Variants in SUV39H2 observed in about 807,000 individuals in gnomAD.
SUV39H2 encodes the protein SUV39H2 histone lysine methyltransferase.
In SUV39H2, 10 loss-of-function variants were observed where a neutral mutation model predicts 47.5. The observed-to-expected ratio is 0.21, with a 90% confidence interval of 0.13 to 0.36. The LOEUF (loss-of-function observed/expected upper bound fraction) is 0.36, where lower values mean the gene tolerates loss of function less well. Ranked by LOEUF, SUV39H2 falls within the 10% of genes least tolerant of loss-of-function variation. The probability of loss-of-function intolerance (pLI) is 1.00; values close to 1 mark genes in which losing one functional copy is unlikely to be tolerated. For missense variants in SUV39H2, 266 were observed against 487.4 expected (o/e 0.55, Z 4.28); for synonymous variants, 159 against 166.8 (o/e 0.95, Z 0.36).
Position 14,903,970 on chromosome 10 carries a change from T to TG in SUV39H2, c.*1458_*1459insG. ...TTTCATAATATATAGGATAAATTGTTTACATGATTGGACCCTCAGATTCTG... is the reference window on the plus strand; with the variant it reads ...TTTCATAATATATAGGATAAATTGTTGTACATGATTGGACCCTCAGATTCTG... On this transcript the variant is annotated 3_prime_UTR_variant, in exon 6 of 6. Transcript: ENST00000354919. 1 of 152,198 alleles carries TG rather than the reference T, an allele frequency of 6.6e-6. No individual in the cohort carries two copies. Among genetic ancestry groups the TG allele is most frequent in the Admixed American group, 6.5e-5 (1 of 15,278 alleles). 9.4% of individuals were successfully genotyped at this position (152,198 alleles called of 1,614,324 possible).
intron 5 of SUV39H2, among the ~76,000 whole-genome samples, chr10:14,902,014 G>A (rs990717841): frequency 1.3e-5 from 2 of 152,040 alleles, no homozygotes; most frequent in Non-Finnish European, 2.9e-5. Context: ...TAAGAATGAT[G>A]GCCTTTACAT....
chr10:14,901,189 T>G lies in SUV39H2; in HGVS notation c.1053T>G (p.Leu351=). The change falls in exon 5 of 6, where the codon CTT becomes CTG. Residue 351 remains leucine (L), a synonymous_variant. Transcript: ENST00000354919. ...NVFIDNLDTR[L]PRIALFSTRT... Reference sequence around the variant, plus strand: ...TCATTGATAACCTCGATACTCGTCTTCCCCGAATAGCATTGTTTTCCACAA... The same window carrying G: ...TCATTGATAACCTCGATACTCGTCTGCCCCGAATAGCATTGTTTTCCACAA... 6.2e-7 allele frequency: 1 copy of G among 1,614,070 alleles called. No homozygotes were observed. Among genetic ancestry groups the G allele is most frequent in the Non-Finnish European group, 8.5e-7 (1 of 1,179,970 alleles).
rs770484753 is a variant in SUV39H2 at position 14,899,510 on chromosome 10, G to A, written c.850-29G>A. The A allele has an allele frequency of 6.2e-6, 10 of 1,611,744 alleles. No individual in the cohort carries two copies. In the South Asian group the frequency reaches 6.6e-5, roughly 11 times the overall value. On this transcript the variant is annotated intron_variant, in intron 3 of 5. Transcript: ENST00000354919. ...AATGCTTCTTTGGTTCAGTAGCTAC[G>A]TAATATACTTACAGTTTTTTCTGTT...
intron 2 of SUV39H2, among the ~76,000 whole-genome samples, chr10:14,895,868 G>T (rs958859387): frequency 8.7e-5 from 13 of 149,872 alleles, no homozygotes; most frequent in African/African-American, 3.2e-4. Context: ...AAGTTACTTA[G>T]TGTTCTTTTT....
intron 2 of SUV39H2, among the ~76,000 whole-genome samples, chr10:14,891,045 C>G (rs144381383): frequency 6.6e-6 from 1 of 152,100 alleles, no homozygotes; most frequent in Non-Finnish European, 1.5e-5. Flanking sequence ...CATCCCTTCC[C>G]GCAAATAACT....
chr10:14,902,294 C>T, intron 5 of SUV39H2, 112 bp from the exon 6 acceptor site: 2 of 580,262 alleles, frequency 3.4e-6, no homozygotes, highest in Non-Finnish European at 5.9e-6. Context: ...GGGTCTTGAC[C>T]ATGTAAGTAC....
chr10:14,890,386 T>G (rs1358310265), intron 2 of SUV39H2, among the ~76,000 whole-genome samples: 1 of 152,210 alleles, frequency 6.6e-6, no homozygotes, highest in African/African-American at 2.4e-5. Flanking sequence ...GGTGTTTTCA[T>G]AATCAAATTC....
chr10:14,899,616 C>T lies in SUV39H2; in HGVS notation c.927C>T (p.Asp309=). The T allele has an allele frequency of 6.2e-7, 1 of 1,614,140 alleles. No homozygotes were observed. The part of the protein sequence containing the change: ...NKGITYLFDL[D]YESDEFTVDA... ...GAATCACGTATCTCTTTGATCTGGA[C>T]TATGAGTCTGATGAATTCACAGTGG... is the stretch of plus-strand genomic sequence containing the variant. The change falls in exon 4 of 6, where the codon GAC becomes GAT. Residue 309 remains aspartate, a synonymous_variant. Transcript: ENST00000354919.
intron 2 of SUV39H2, among the ~76,000 whole-genome samples, chr10:14,891,881 G>A (rs1833400708): frequency 6.6e-6 from 1 of 152,182 alleles, no homozygotes; most frequent in South Asian, 2.1e-4. Flanking sequence ...TAAAACTCTG[G>A]GGTGATGAGG....
chr10:14,894,618 C>A (rs1285569664), intron 2 of SUV39H2, among the ~76,000 whole-genome samples: 1 of 57,598 alleles, frequency 1.7e-5, no homozygotes, highest in Non-Finnish European at 2.9e-5. Flanking sequence ...CCGCCCGCCT[C>A]GGCCTCCCAA....
chr10:14,898,981 C>T lies in SUV39H2; in HGVS notation c.850-558C>T, dbSNP rs1833797948. The T allele has an allele frequency of 6.2e-6, 3 of 483,964 alleles. No individual in the cohort carries two copies. The Admixed American group carries it at 1.0e-4, about 17-fold the overall frequency. 30.0% of individuals were successfully genotyped at this position (483,964 alleles called of 1,614,324 possible). A position where few individuals can be genotyped will look rare whatever the true frequency, so the allele number is the denominator to read the frequency against. On this transcript the variant is annotated intron_variant, in intron 3 of 5. Coordinates refer to ENST00000354919, the MANE Select transcript of SUV39H2 (RefSeq NM_001193424.2). ...TATAGTTGTATAGCTTTTTGAACAT[C>T]CTAATTATAATGAAAGTAATGCAGT... is the stretch of plus-strand genomic sequence containing the variant.
intron 2 of SUV39H2, among the ~76,000 whole-genome samples, chr10:14,887,042 T>A (rs1167911972): frequency 1.3e-5 from 2 of 152,292 alleles, no homozygotes; most frequent in East Asian, 3.9e-4. Context: ...GTTGGCAGGT[T>A]CTAAAGAGAG....
intron 5 of SUV39H2, among the ~76,000 whole-genome samples, chr10:14,902,093 T>C (rs1834067018): frequency 6.6e-6 from 1 of 152,238 alleles, no homozygotes; most frequent in Non-Finnish European, 1.5e-5. Flanking sequence ...GTATTAGATA[T>C]TCCCAGTAAG....
Position 14,896,973 on chromosome 10 carries a change from C to G in SUV39H2, c.305C>G (p.Ser102Cys), listed in dbSNP as rs1225136747. Residue 102 changes from serine (S) to cysteine (C), a missense_variant, in exon 3 of 6, where the codon TCT becomes TGT. Physicochemically the swap from Ser to Cys is moderately radical, Grantham distance 112. Transcript: ENST00000354919. ...QFSNDKHNYL[S>C]QVKKGKAITP... Reference sequence around the variant, plus strand: ...TCTAATGACAAGCATAATTATTTATCTCAGGTAAAGAAAGGCAAAGCAATA... The same window carrying G: ...TCTAATGACAAGCATAATTATTTATGTCAGGTAAAGAAAGGCAAAGCAATA... 5.0e-6 allele frequency: 8 copies of G among 1,613,906 alleles called. No individual in the cohort carries two copies. The highest frequency in any genetic ancestry group is 6.8e-6 in the Non-Finnish European group (8 of 1,180,016).
intron 2 of SUV39H2, among the ~76,000 whole-genome samples, chr10:14,887,269 G>A (rs1480659102): frequency 6.6e-6 from 1 of 152,186 alleles, no homozygotes. Flanking sequence ...GATGTAAAAT[G>A]TATGTCTGTG....
At chr10:14,883,432 C>T (rs1446146413) in intron 2 of SUV39H2, among the ~76,000 whole-genome samples, 2 of 151,798 alleles carry the variant, frequency 1.3e-5, no homozygotes, top group Non-Finnish European at 2.9e-5. Flanking sequence ...AAACCGGGCA[C>T]GGTGGCTCAC....
chr10:14,885,819 G>C (rs558734006), intron 2 of SUV39H2, among the ~76,000 whole-genome samples: 3 of 151,922 alleles, frequency 2.0e-5, no homozygotes. Flanking sequence ...TCCTTTTCTT[G>C]TGTGACCACC....
chr10:14,891,992 A>G (rs572450710), intron 2 of SUV39H2, among the ~76,000 whole-genome samples: 30 of 152,352 alleles, frequency 2.0e-4, no homozygotes, highest in African/African-American at 7.2e-4. Flanking sequence ...GTTAGAGAAA[A>G]GTCCATCGCT....
At chr10:14,880,703 C>T (rs1185453845) in intron 1 of SUV39H2, among the ~76,000 whole-genome samples, 3 of 152,112 alleles carry the variant, frequency 2.0e-5, no homozygotes, top group Non-Finnish European at 4.4e-5. Context: ...TCTTCTGGAA[C>T]GCAATTAGTT....
Sources: allele counts gnomAD v4.1 joint callset (sites outside exome capture counted in the v4.1 genomes callset), GRCh38; gene constraint gnomAD v4.1.1; transcripts MANE v1.5; gene names NCBI Gene and HGNC (gene_info 2026-07-23, HGNC 2026-07-21).